NHSL3: variants seen among roughly 807,000 people sequenced by gnomAD.
The protein encoded by NHSL3 is NHS-like protein 3.
At chr1:32,754,369 G>A in the NHSL3 span, among the ~76,000 whole-genome samples, 176 of 152,016 alleles carry the variant, frequency 1.2e-3, 3 homozygotes, top group East Asian at 0.026. Flanking sequence ...GCGGGCACAC[G>A]TACATGTTCG....
the NHSL3 span, among the ~76,000 whole-genome samples, chr1:32,763,158 GT>G: frequency 2.0e-5 from 3 of 151,010 alleles, no homozygotes; most frequent in East Asian, 5.9e-4. Flanking sequence ...TCATTTTTGT[GT>G]TTTTAGTAGA....
chr1:32,768,704 C>A, the NHSL3 span: 1 of 1,614,184 alleles, frequency 6.2e-7, no homozygotes, highest in Non-Finnish European at 8.5e-7. Flanking sequence ...AGTCAGACCA[C>A]ATCCTACGTG....
At chr1:32,754,544 G>A in the NHSL3 span, among the ~76,000 whole-genome samples, 1 of 151,960 alleles carries the variant, frequency 6.6e-6, no homozygotes, top group Non-Finnish European at 1.5e-5. Context: ...ACAGCCACAC[G>A]AACTACACCC....
chr1:32,771,549 A>G, the NHSL3 span: 1 of 1,588,650 alleles, frequency 6.3e-7, no homozygotes, highest in Non-Finnish European at 8.6e-7. Context: ...TCCCCCCACC[A>G]GAGGAGGCTT....
chr1:32,771,710 C>T, the NHSL3 span: 1 of 1,613,046 alleles, frequency 6.2e-7, no homozygotes, highest in Non-Finnish European at 8.5e-7. Flanking sequence ...GCCCCAGCTC[C>T]TGCTAGTTCC....
the NHSL3 span, among the ~76,000 whole-genome samples, chr1:32,747,036 C>T: frequency 6.6e-6 from 1 of 152,140 alleles, no homozygotes; most frequent in African/African-American, 2.4e-5. Flanking sequence ...TCCAAGTTCC[C>T]TCTGGCCACT....
At chr1:32,759,431 T>G in the NHSL3 span, among the ~76,000 whole-genome samples, 6 of 152,250 alleles carry the variant, frequency 3.9e-5, no homozygotes, top group Non-Finnish European at 7.3e-5. Context: ...AAAGGGATTA[T>G]TATGTCATTG....
the NHSL3 span, among the ~76,000 whole-genome samples, chr1:32,753,049 A>C: frequency 4.7e-5 from 7 of 149,148 alleles, no homozygotes; most frequent in Non-Finnish European, 8.9e-5. Context: ...GCTCACTACA[A>C]CCTCCACCTC....
At chr1:32,767,452 T>C in the NHSL3 span, among the ~76,000 whole-genome samples, 1 of 152,128 alleles carries the variant, frequency 6.6e-6, no homozygotes, top group African/African-American at 2.4e-5. Flanking sequence ...CCTTTGTTTA[T>C]ATACATGAAT....
At chr1:32,742,733 C>T in the NHSL3 span, among the ~76,000 whole-genome samples, 1 of 152,214 alleles carries the variant, frequency 6.6e-6, no homozygotes, top group African/African-American at 2.4e-5. Context: ...CTTTTCCCAC[C>T]TGGCCTCCCT....
the NHSL3 span, chr1:32,771,963 A>C: frequency 2.5e-6 from 4 of 1,605,982 alleles, no homozygotes; most frequent in South Asian, 2.2e-5. Flanking sequence ...CCCCCTCCTC[A>C]GGGCTCCATG....
the NHSL3 span, among the ~76,000 whole-genome samples, chr1:32,766,896 GGGGCCA>G: frequency 3.3e-5 from 5 of 152,288 alleles, no homozygotes; most frequent in Non-Finnish European, 7.4e-5. Context: ...CTCTGCAACA[GGGGCCA>G]GGGCCAGGGC....
the NHSL3 span, among the ~76,000 whole-genome samples, chr1:32,757,848 ATCTTATGACACCCTGCAC>A: frequency 6.6e-6 from 1 of 152,006 alleles, no homozygotes; most frequent in African/African-American, 2.4e-5. Context: ...GAAGGGTGTC[ATCTTATGACACCCTGCAC>A]GTCCTCTGGG....
chr1:32,761,310 A>G, the NHSL3 span, among the ~76,000 whole-genome samples: 2 of 152,072 alleles, frequency 1.3e-5, no homozygotes, highest in African/African-American at 4.8e-5. Flanking sequence ...CCACAGGTGT[A>G]TAGATCTGGG....
chr1:32,771,593 C>G, the NHSL3 span: 1 of 1,613,134 alleles, frequency 6.2e-7, no homozygotes, highest in South Asian at 1.1e-5. Flanking sequence ...CCTGCAGGCC[C>G]TTCAGGCTCC....
At chr1:32,756,681 AGAAT>A in the NHSL3 span, among the ~76,000 whole-genome samples, 3 of 117,076 alleles carry the variant, frequency 2.6e-5, no homozygotes, top group East Asian at 5.5e-4. Flanking sequence ...AAAAAAAAAA[AGAAT>A]GGGCTGGATG....
At chr1:32,754,897 C>A in the NHSL3 span, among the ~76,000 whole-genome samples, 1 of 152,004 alleles carries the variant, frequency 6.6e-6, no homozygotes, top group African/African-American at 2.4e-5. Flanking sequence ...CTACCCCCAC[C>A]CGCGCCACCG....
the NHSL3 span, chr1:32,769,618 G>C: frequency 7.5e-7 from 1 of 1,334,476 alleles, no homozygotes; most frequent in East Asian, 2.4e-5. Flanking sequence ...GTGCCCTGCA[G>C]AATGTGCCTG....
the NHSL3 span, among the ~76,000 whole-genome samples, chr1:32,749,457 G>A: frequency 2.0e-5 from 3 of 152,240 alleles, no homozygotes; most frequent in South Asian, 2.1e-4. Context: ...TAGACTCTCA[G>A]AGCTCATGGC....
Sources: gnomAD v4.1 joint callset for allele counts (sites outside exome capture counted in the v4.1 genomes callset) on GRCh38, gnomAD v4.1.1 for gene constraint, MANE v1.5 for transcripts, NCBI Gene and HGNC (gene_info 2026-07-23, HGNC 2026-07-21) for gene names.